SDHAF3: variants seen among roughly 807,000 people sequenced by gnomAD.
The protein encoded by SDHAF3 is succinate dehydrogenase assembly factor 3, mitochondrial.
In SDHAF3, 18 loss-of-function variants were observed where a neutral mutation model predicts 11.5. That is an observed-to-expected ratio of 1.56 (90% confidence interval 1.08 to 2.32). SDHAF3 has a LOEUF of 2.32. Ranked by LOEUF, SDHAF3 falls within the 30% of genes most tolerant of loss-of-function variation. The pLI is 0.00. For missense variants in SDHAF3, 200 were observed against 154.4 expected (o/e 1.30, Z -1.57); for synonymous variants, 72 against 59.3 (o/e 1.21, Z -0.99).
chr7:97,122,917 CTT>C (rs59277904), intron 1 of SDHAF3, among the ~76,000 whole-genome samples: 5 of 146,988 alleles, frequency 3.4e-5, no homozygotes, highest in Admixed American at 6.8e-5. Context: ...TTTTTCTTTT[CTT>C]TTTTTTTTTT....
At chr7:97,179,032 G>A (rs188054709) in intron 1 of SDHAF3, among the ~76,000 whole-genome samples, 126 of 152,258 alleles carry the variant, frequency 8.3e-4, no homozygotes, top group African/African-American at 2.8e-3. Context: ...AAGATGGGGT[G>A]TCTAACTTCA....
At chr7:97,121,511 G>GA (rs1183270071) in intron 1 of SDHAF3, among the ~76,000 whole-genome samples, 1 of 152,130 alleles carries the variant, frequency 6.6e-6, no homozygotes, top group Non-Finnish European at 1.5e-5. Flanking sequence ...TTTGTTTCTA[G>GA]AAAAAGGCAG....
At chr7:97,173,656 C>T (rs1280975927) in intron 1 of SDHAF3, among the ~76,000 whole-genome samples, 1 of 150,210 alleles carries the variant, frequency 6.7e-6, no homozygotes, top group Admixed American at 6.6e-5. Flanking sequence ...AGGTTGATGC[C>T]AGTCTCCTGC....
chr7:97,161,849 G>T (rs755835561), intron 1 of SDHAF3, among the ~76,000 whole-genome samples: 3 of 152,176 alleles, frequency 2.0e-5, no homozygotes, highest in Non-Finnish European at 4.4e-5. Context: ...GGACATTTGG[G>T]TTGGTTCCAA....
chr7:97,171,945 G>A (rs770994838), intron 1 of SDHAF3, among the ~76,000 whole-genome samples: 3 of 152,048 alleles, frequency 2.0e-5, no homozygotes, highest in Non-Finnish European at 4.4e-5. Context: ...GATCTCTGCT[G>A]TTAAGGACAA....
intron 1 of SDHAF3, among the ~76,000 whole-genome samples, chr7:97,167,137 T>C (rs1224571412): frequency 6.6e-6 from 1 of 151,982 alleles, no homozygotes; most frequent in East Asian, 1.9e-4. Context: ...TGGATGTGTG[T>C]CCCCACCCAA....
intron 1 of SDHAF3, among the ~76,000 whole-genome samples, chr7:97,142,392 G>C (rs1474102363): frequency 6.6e-6 from 1 of 152,084 alleles, no homozygotes; most frequent in Non-Finnish European, 1.5e-5. Context: ...TGTAAACAAA[G>C]TCTTAAATTC....
intron 1 of SDHAF3, among the ~76,000 whole-genome samples, chr7:97,178,232 T>C (rs2115754964): frequency 6.6e-6 from 1 of 152,378 alleles, no homozygotes; most frequent in Middle Eastern, 3.4e-3. Flanking sequence ...CAGAACTTCA[T>C]TCCCTTTTAA....
At chr7:97,167,413 C>T (rs995252086) in intron 1 of SDHAF3, among the ~76,000 whole-genome samples, 2 of 152,174 alleles carry the variant, frequency 1.3e-5, no homozygotes, top group African/African-American at 4.8e-5. Context: ...AAAGAAACCT[C>T]TTTTCTTCAA....
intron 1 of SDHAF3, among the ~76,000 whole-genome samples, chr7:97,161,585 C>A (rs1412755474): frequency 1.3e-5 from 2 of 152,080 alleles, no homozygotes; most frequent in Non-Finnish European, 2.9e-5. Flanking sequence ...CCTCCCCTAG[C>A]CCCCCTCACC....
intron 1 of SDHAF3, among the ~76,000 whole-genome samples, chr7:97,156,144 A>G (rs1281113437): frequency 6.6e-6 from 1 of 152,156 alleles, no homozygotes; most frequent in Non-Finnish European, 1.5e-5. Flanking sequence ...AGGAGATCAC[A>G]TTATATTTAG....
chr7:97,175,069 A>G (rs920314466), intron 1 of SDHAF3, among the ~76,000 whole-genome samples: 6 of 152,178 alleles, frequency 3.9e-5, no homozygotes, highest in African/African-American at 1.2e-4. Flanking sequence ...ATCAGAAGAC[A>G]TGTAATATCT....
At chr7:97,135,620 TGAG>T (rs1791746780) in intron 1 of SDHAF3, 1 of 148,002 alleles carries the variant, frequency 6.8e-6, no homozygotes, top group Non-Finnish European at 1.5e-5. Context: ...TGTGTGTGTG[TGAG>T]ATGTATGTGC....
chr7:97,154,206 G>A (rs921550760), intron 1 of SDHAF3, among the ~76,000 whole-genome samples: 2 of 144,490 alleles, frequency 1.4e-5, no homozygotes, highest in South Asian at 4.6e-4. Flanking sequence ...CTTAAGGGTG[G>A]GGGAGATTAC....
At chr7:97,170,066 A>G (rs574044962) in intron 1 of SDHAF3, among the ~76,000 whole-genome samples, 1 of 151,848 alleles carries the variant, frequency 6.6e-6, no homozygotes, top group African/African-American at 2.4e-5. Flanking sequence ...CCATTGAGGT[A>G]TAAGTGAGTA....
intron 1 of SDHAF3, among the ~76,000 whole-genome samples, chr7:97,173,389 C>T (rs1035599645): frequency 6.6e-5 from 10 of 152,080 alleles, no homozygotes; most frequent in African/African-American, 1.7e-4. Flanking sequence ...TCGACTTCAA[C>T]AGTTGTCAAC....
At chr7:97,171,369 A>AT (rs1444795109) in intron 1 of SDHAF3, among the ~76,000 whole-genome samples, 2 of 152,256 alleles carry the variant, frequency 1.3e-5, no homozygotes, top group East Asian at 3.9e-4. Context: ...AATTACTGTC[A>AT]TTTTAGCTAT....
intron 1 of SDHAF3, among the ~76,000 whole-genome samples, chr7:97,174,240 A>G (rs1205477826): frequency 6.6e-6 from 1 of 152,216 alleles, no homozygotes; most frequent in Non-Finnish European, 1.5e-5. Context: ...AGAAAGTATT[A>G]TAATTAGTCA....
intron 1 of SDHAF3, among the ~76,000 whole-genome samples, chr7:97,144,513 G>T (rs1045627921): frequency 1.8e-4 from 27 of 152,180 alleles, no homozygotes; most frequent in African/African-American, 5.5e-4. Flanking sequence ...TGAGGATCCA[G>T]TTTCATTCTC....
Sources: allele counts gnomAD v4.1 joint callset (sites outside exome capture counted in the v4.1 genomes callset), GRCh38; gene constraint gnomAD v4.1.1; transcripts MANE v1.5; gene names NCBI Gene and HGNC (gene_info 2026-07-23, HGNC 2026-07-21).